Variants in AGO2 observed in about 807,000 individuals in gnomAD.
AGO2 encodes the protein protein argonaute-2.
A neutral mutation model predicts 102.3 loss-of-function variants in AGO2; 5 were observed. The observed-to-expected ratio is 0.05, with a 90% confidence interval of 0.03 to 0.10. AGO2 has a LOEUF of 0.10. Ranked by LOEUF, AGO2 falls within the 10% of genes least tolerant of loss-of-function variation. The pLI, the probability that AGO2 is intolerant of heterozygous loss-of-function variation, is 1.00. For synonymous variants in AGO2, 449 were observed against 473.1 expected (o/e 0.95, Z 0.66); for missense variants, 541 against 1,183.7 (o/e 0.46, Z 7.97).
At chr8:140,620,899 A>G (rs1472044517) in intron 1 of AGO2, among the ~76,000 whole-genome samples, 3 of 152,142 alleles carry the variant, frequency 2.0e-5, no homozygotes, top group Admixed American at 6.6e-5. Context: ...TGCAAATTCA[A>G]CGTAAATCTG....
At position 140,556,036 on chromosome 8, in the gene AGO2, G is replaced by C; in HGVS notation, c.1147-18C>G. ...CTTCGCATCTGGCAAAGGGAAACAAGAAAACGCACGGAGTGGGTGGAGGCC... is the reference window on the plus strand; with the variant it reads ...CTTCGCATCTGGCAAAGGGAAACAACAAAACGCACGGAGTGGGTGGAGGCC... On this transcript the variant is annotated intron_variant, in intron 9 of 18. Coordinates refer to ENST00000220592, the MANE Select transcript of AGO2 (RefSeq NM_012154.5). 6.2e-7 allele frequency: 1 copy of C among 1,613,924 alleles called. No homozygotes were observed. Among genetic ancestry groups the C allele is most frequent in the Non-Finnish European group, 8.5e-7 (1 of 1,179,824 alleles).
chr8:140,615,445 C>T (rs2074129928), intron 1 of AGO2, among the ~76,000 whole-genome samples: 1 of 152,244 alleles, frequency 6.6e-6, no homozygotes, highest in Non-Finnish European at 1.5e-5. Context: ...CACAGTGGCC[C>T]CGGCCCAGGC....
rs1360990492 is a variant in AGO2 at position 140,557,220 on chromosome 8, C to G, written c.895G>C (p.Glu299Gln). ...GTGCACTCCACCGTCTGCCCGCTCT[C>G]CTGCTGCAGCGGGAATCTGAGGAGC... is the stretch of plus-strand genomic sequence containing the variant. ...ASHQTFPLQQ[E>Q]SGQTVECTVA... is the part of the protein sequence containing the mutation. Residue 299 changes from glutamate to glutamine, a missense_variant, in exon 8 of 19, where the codon GAG becomes CAG. Around this residue, in one of 6 missense-constraint regions of AGO2, gnomAD observed 38 missense variants for 68.1 expected, o/e 0.56. Coordinates refer to ENST00000220592, the MANE Select transcript of AGO2 (RefSeq NM_012154.5). The surrounding 1 kb of genome is among the most constrained non-coding windows in gnomAD (Gnocchi z 5.9). 6.2e-7 allele frequency: 1 copy of G among 1,613,332 alleles called. No homozygotes were observed. Among genetic ancestry groups the G allele is most frequent in the Non-Finnish European group, 8.5e-7 (1 of 1,179,522 alleles).
At chr8:140,635,935 C>T (rs2074404063), upstream of AGO2, among the ~76,000 whole-genome samples, 1 of 147,032 alleles carries the variant, frequency 6.8e-6, no homozygotes. Flanking sequence ...GGCGCGGGGG[C>T]GGGCGCGGCC....
At position 140,626,244 on chromosome 8, in the gene AGO2, C is replaced by T. The variant is rs567955915; in HGVS notation, c.22+9241G>A. On this transcript the variant is annotated intron_variant, in intron 1 of 18. Transcript: ENST00000220592. ...GAGGTGAGTTCTGAGCGACACAGGC[C>T]ATCTTCTGTGTCCCTGGCCCGAGCC... 7.2e-5 allele frequency among the ~76,000 whole-genome samples: 11 copies of T among 152,336 alleles called. No individual in the cohort carries two copies. In the East Asian group the frequency reaches 2.1e-3, roughly 29 times the overall value.
At chr8:140,563,840 G>A (rs968973204) in intron 3 of AGO2, among the ~76,000 whole-genome samples, 5 of 152,234 alleles carry the variant, frequency 3.3e-5, no homozygotes, top group South Asian at 2.1e-4. Flanking sequence ...CCCACTGCCC[G>A]CCATGCCCAT....
intron 3 of AGO2, among the ~76,000 whole-genome samples, chr8:140,568,355 C>T (rs2073325591): frequency 6.6e-6 from 1 of 151,912 alleles, no homozygotes; most frequent in African/African-American, 2.4e-5. Context: ...AGAGGCGCAG[C>T]TGCCTTTCAA....
At position 140,544,499 on chromosome 8, in the gene AGO2, C is replaced by T. The variant is rs534076378; in HGVS notation, c.1749-196G>A. Among the ~76,000 whole-genome samples, 4 of 152,336 alleles carry T rather than the reference C, an allele frequency of 2.6e-5. No homozygotes were observed. The South Asian group carries it at 8.3e-4, about 32-fold the overall frequency. On this transcript the variant is annotated intron_variant, in intron 13 of 18. Coordinates refer to ENST00000220592, the MANE Select transcript of AGO2 (RefSeq NM_012154.5). ...AGGTCTGAAATCTGCTTCAGAATAG[C>T]CACGGGTTGGGGGGCTTGGGTGGAG... is the stretch of plus-strand genomic sequence containing the variant.
intron 1 of AGO2, among the ~76,000 whole-genome samples, chr8:140,611,452 C>T (rs1451529370): frequency 6.6e-6 from 1 of 152,060 alleles, no homozygotes; most frequent in Non-Finnish European, 1.5e-5. Context: ...CTCAGCCTCC[C>T]AAGTAGCTGG....
chr8:140,594,721 T>C (rs565534607), intron 1 of AGO2, among the ~76,000 whole-genome samples: 8 of 151,946 alleles, frequency 5.3e-5, no homozygotes, highest in Middle Eastern at 3.4e-3. Flanking sequence ...GATGGGAGGA[T>C]CACTTGAGCC....
At chr8:140,535,297 T>C in intron 17 of AGO2, 171 bp downstream of exon 17, 1 of 411,748 alleles carries the variant, frequency 2.4e-6, no homozygotes, top group Non-Finnish European at 4.7e-6. Flanking sequence ...CCCAGGCCCC[T>C]CTCCCCACCC....
intron 1 of AGO2, among the ~76,000 whole-genome samples, chr8:140,630,280 TGTG>T (rs2074325849): frequency 6.6e-6 from 1 of 152,182 alleles, no homozygotes; most frequent in Non-Finnish European, 1.5e-5. Context: ...GGACAGTTCT[TGTG>T]TCTGCCTTTC....
At chr8:140,640,508 T>TGAG (rs1251166105), upstream of AGO2, among the ~76,000 whole-genome samples, 1 of 152,024 alleles carries the variant, frequency 6.6e-6, no homozygotes, top group Admixed American at 6.6e-5. Context: ...TGCCCCAGCC[T>TGAG]GAGGACAGCT....
At chr8:140,566,620 G>C (rs897930722) in intron 3 of AGO2, among the ~76,000 whole-genome samples, 98 of 146,764 alleles carry the variant, frequency 6.7e-4, no homozygotes, top group Middle Eastern at 3.4e-3. Flanking sequence ...TTTTTTTTTG[G>C]GGGGGGGGAA....
rs2132829121 is a variant in AGO2, at chr8:140,522,622, C to A, written c.*9422G>T. Reference sequence around the variant, plus strand: ...TCTTTTTGACTGTCACAGAAATGCACAATGGTCCATTTTCATCAAGCTATG... The same window carrying A: ...TCTTTTTGACTGTCACAGAAATGCAAAATGGTCCATTTTCATCAAGCTATG... On this transcript the variant is annotated 3_prime_UTR_variant, in exon 19 of 19. Transcript: ENST00000220592. The A allele has an allele frequency of 7.4e-6, 1 of 134,358 alleles. No individual in the cohort carries two copies. The highest frequency in any genetic ancestry group is 2.4e-4 in the South Asian group (1 of 4,180). The allele number at this position is 134,358 out of a possible 1,614,324, so 8.3% of individuals were successfully genotyped here.
chr8:140,546,082 G>A (rs1263069117), intron 13 of AGO2, among the ~76,000 whole-genome samples: 1 of 152,198 alleles, frequency 6.6e-6, no homozygotes, highest in East Asian at 1.9e-4. Flanking sequence ...CCTGCACACA[G>A]TAGGTACTCA....
At chr8:140,574,423 A>C (rs2073433488) in intron 2 of AGO2, among the ~76,000 whole-genome samples, 1 of 152,130 alleles carries the variant, frequency 6.6e-6, no homozygotes, top group Admixed American at 6.5e-5. Flanking sequence ...CACTATGCCC[A>C]GTTAATTTTT....
chr8:140,626,820 G>A (rs2074284724), intron 1 of AGO2: 1 of 152,264 alleles, frequency 6.6e-6, no homozygotes, highest in Non-Finnish European at 1.5e-5. Flanking sequence ...TTTTACCCGT[G>A]TTACTCTATT....
chr8:140,595,834 C>T (rs191571872), intron 1 of AGO2, among the ~76,000 whole-genome samples: 970 of 27,006 alleles, frequency 0.036, 20 homozygotes, highest in Non-Finnish European at 0.049. Flanking sequence ...ATATTATATA[C>T]AATTGTATAT....
Sources: allele counts gnomAD v4.1 joint callset (sites outside exome capture counted in the v4.1 genomes callset), GRCh38; gene constraint gnomAD v4.1.1; regional missense constraint gnomAD v4.1.1; non-coding constraint Gnocchi (gnomAD v3.1); transcripts MANE v1.5; gene names NCBI Gene and HGNC (gene_info 2026-07-23, HGNC 2026-07-21).